Variants in BRD9 observed in about 807,000 individuals in gnomAD.
BRD9 encodes the protein bromodomain containing 9, also known as bromodomain-containing protein 9.
BRD9 carries 47 observed loss-of-function variants against 68.7 expected under a neutral mutation model. The ratio of observed to expected loss-of-function variants is 0.68; its 90% CI spans 0.54 to 0.87. The LOEUF (loss-of-function observed/expected upper bound fraction) is 0.87. Ranked by LOEUF, BRD9 falls within the 40% of genes least tolerant of loss-of-function variation. The pLI, the probability that BRD9 is intolerant of heterozygous loss-of-function variation, is 0.00. For missense variants in BRD9, 670 were observed against 748.4 expected (o/e 0.90, Z 1.22); for synonymous variants, 313 against 293.9 (o/e 1.06, Z -0.67).
At chr5:892,329 C>T in intron 1 of BRD9, 1 of 680,388 alleles carries the variant, frequency 1.5e-6, no homozygotes, top group South Asian at 2.1e-5. Flanking sequence ...CACACAAAAG[C>T]CAGCACAGAT....
At chr5:887,843 G>A (rs1251356759) in intron 5 of BRD9, among the ~76,000 whole-genome samples, 5 of 152,180 alleles carry the variant, frequency 3.3e-5, no homozygotes, top group Non-Finnish European at 5.9e-5. Flanking sequence ...GCAGGCGTGC[G>A]GCACAGTGAT....
rs543226350 is a variant in BRD9 at position 878,316 on chromosome 5, C to T, written c.1271+39G>A. 4.4e-6 allele frequency: 7 copies of T among 1,608,436 alleles called. No homozygotes were observed. In the South Asian group the frequency reaches 7.7e-5, roughly 18 times the overall value. On this transcript the variant is annotated intron_variant, in intron 11 of 15. Transcript: ENST00000467963. ...GTCCCACACCAGGGCACAGCTCAAG[C>T]TGCACAGCAGCCAAGGGCTCCCCGG...
At position 881,186 on chromosome 5, in the gene BRD9, G is replaced by C; in HGVS notation, c.967-4C>G. The C allele has an allele frequency of 6.2e-7, 1 of 1,613,804 alleles. No individual in the cohort carries two copies. On this transcript the variant is annotated splice_polypyrimidine_tract_variant and splice_region_variant and intron_variant, in intron 8 of 15. Transcript: ENST00000467963. ...CGTTCCTCTTCAGATAGCCCATCTG[G>C]AAGGAAGCACTGCCTGAGCGTCTGT...
chr5:865,469 C>T lies in BRD9; in HGVS notation c.1638G>A (p.Pro546=), dbSNP rs112085533. The T allele has an allele frequency of 9.6e-4, 1,536 of 1,599,330 alleles. 19 individuals are homozygous for T. The African/African-American group carries it at 0.018, about 19-fold the overall frequency. Residue 546 remains proline, a synonymous_variant, in exon 15 of 16, where the codon CCG becomes CCA. Coordinates refer to ENST00000467963, the MANE Select transcript of BRD9 (RefSeq NM_023924.5). ...TGGACAGGGAGCTGAGGTTGGACGA[C>T]GGCCGAGAGCCGCCGCGCTCCGCCT... ...EAQAERGGSR[P]SSNLSSLSNA...
chr5:891,367 T>A, intron 2 of BRD9, 80 bp from the exon 3 acceptor site: 1 of 1,496,330 alleles, frequency 6.7e-7, no homozygotes, highest in Non-Finnish European at 9.0e-7. Context: ...CTCGCAGTTC[T>A]CAGGGGAGGG....
intron 14 of BRD9, among the ~76,000 whole-genome samples, chr5:868,222 C>T (rs561117109): frequency 6.6e-6 from 1 of 152,202 alleles, no homozygotes; most frequent in Admixed American, 6.5e-5. Context: ...TGATGCCTCC[C>T]AGCCATGCCT....
chr5:877,508 C>T (rs994352942), intron 11 of BRD9, among the ~76,000 whole-genome samples: 2 of 152,190 alleles, frequency 1.3e-5, no homozygotes, highest in African/African-American at 4.8e-5. Flanking sequence ...CCTGATATGT[C>T]AAGATGCCAT....
chr5:886,891 G>A lies in BRD9; in HGVS notation c.718-184C>T, dbSNP rs150420991. 915 of 1,050,094 alleles carry A rather than the reference G, an allele frequency of 8.7e-4. 7 individuals carry two copies. The African/African-American group carries it at 0.012, about 13-fold the overall frequency. 65.0% of individuals were successfully genotyped at this position (1,050,094 alleles called of 1,614,324 possible). ...GGCCTAAGAGCTAACTTTCCACGGC[G>A]GAGCAGCGGGAGGTGGTTGTGGGGG... On this transcript the variant is annotated intron_variant, in intron 6 of 15. Transcript: ENST00000467963.
intron 11 of BRD9, among the ~76,000 whole-genome samples, chr5:876,921 C>T (rs371252756): frequency 2.0e-5 from 3 of 152,302 alleles, no homozygotes; most frequent in South Asian, 2.1e-4. Context: ...GCAGCGTGCA[C>T]GGAAGCAGCA....
At chr5:882,486 C>T (rs917817466) in intron 8 of BRD9, 2 of 163,476 alleles carry the variant, frequency 1.2e-5, no homozygotes, top group African/African-American at 4.8e-5. Flanking sequence ...ACCACAACCT[C>T]CCAACACGTG....
Position 883,969 on chromosome 5 carries a change from T to TC in BRD9, c.934dup (p.Asp312GlyfsTer36). ...GCCTGGGAGGAACCGGTTGATCCTG[T>TC]CCCGAGCTTCGTCAGCTGCGTGCTC... On this transcript the variant is annotated frameshift_variant, in exon 8 of 16. Transcript: ENST00000467963. LOFTEE classifies it high-confidence loss of function. 6.2e-7 allele frequency: 1 copy of TC among 1,613,202 alleles called. No homozygotes were observed. Among genetic ancestry groups the TC allele is most frequent in the African/African-American group, 1.3e-5 (1 of 75,016 alleles).
intron 12 of BRD9, among the ~76,000 whole-genome samples, chr5:874,191 G>A (rs915041730): frequency 1.3e-5 from 2 of 152,072 alleles, no homozygotes; most frequent in African/African-American, 4.8e-5. Flanking sequence ...TCGACCTCCC[G>A]GCCTCAAGTG....
intron 14 of BRD9, among the ~76,000 whole-genome samples, chr5:867,336 G>A (rs963897302): frequency 6.6e-6 from 1 of 152,244 alleles, no homozygotes; most frequent in East Asian, 1.9e-4. Flanking sequence ...CTAGGGCAGT[G>A]CAGAGGGGAA....
intron 14 of BRD9, chr5:869,320 A>G (rs1261991232): frequency 4.4e-6 from 2 of 456,144 alleles, no homozygotes; most frequent in African/African-American, 4.0e-5. Flanking sequence ...AAGGTTGACA[A>G]AGCAGACTCC....
chr5:865,900 G>C lies in BRD9; in HGVS notation c.1526-319C>G, dbSNP rs186794758. The C allele has an allele frequency of 4.4e-5, 11 of 251,504 alleles. No homozygotes were observed. The East Asian group carries it at 8.3e-4, about 19-fold the overall frequency. 15.6% of individuals were successfully genotyped at this position (251,504 alleles called of 1,614,324 possible). The stretch of plus-strand genomic sequence containing the variant: ...TGTGGCCACAACCCAGGATGGGCCT[G>C]GTGTGGGCTCCTGTCCTCAACACAC... On this transcript the variant is annotated intron_variant, in intron 14 of 15. Coordinates refer to ENST00000467963, the MANE Select transcript of BRD9 (RefSeq NM_023924.5).
chr5:885,838 T>C (rs1752474426), intron 7 of BRD9, among the ~76,000 whole-genome samples: 1 of 152,232 alleles, frequency 6.6e-6, no homozygotes, highest in South Asian at 2.1e-4. Context: ...ACTCTCGCTT[T>C]GTTTGGTCCT....
At chr5:877,501 G>T (rs1335836483) in intron 11 of BRD9, among the ~76,000 whole-genome samples, 2 of 152,204 alleles carry the variant, frequency 1.3e-5, no homozygotes, top group African/African-American at 4.8e-5. Context: ...ATGAAGACCT[G>T]ATATGTCAAG....
chr5:865,965 A>G, intron 14 of BRD9: 1 of 175,276 alleles, frequency 5.7e-6, no homozygotes, highest in South Asian at 1.9e-4. Context: ...AGAGGCCGGC[A>G]GACCCTGGTA....
Position 891,078 on chromosome 5 carries a change from A to T in BRD9, c.400+77T>A, listed in dbSNP as rs911796596. On this transcript the variant is annotated intron_variant, in intron 3 of 15. Transcript: ENST00000467963. ...CCCTCCCATGCTTCTCCCCAAAGCA[A>T]CAGGACACGGTGCCGACCCCTCATT... The T allele has an allele frequency of 1.4e-5, 20 of 1,456,620 alleles. No homozygotes were observed. The African/African-American group carries it at 2.8e-4, about 21-fold the overall frequency. The allele number at this position is 1,456,620 out of a possible 1,614,324, so 90.2% of individuals were successfully genotyped here.
Sources: gnomAD v4.1 joint callset for allele counts (sites outside exome capture counted in the v4.1 genomes callset) on GRCh38, gnomAD v4.1.1 for gene constraint, MANE v1.5 for transcripts, NCBI Gene and HGNC (gene_info 2026-07-23, HGNC 2026-07-21) for gene names.